Variants in SLC10A4 observed in about 807,000 individuals in gnomAD.
SLC10A4 encodes the protein solute carrier family 10 member 4.
In SLC10A4, 17 loss-of-function variants were observed where a neutral mutation model predicts 22.5. The ratio of observed to expected loss-of-function variants is 0.76; its 90% CI spans 0.52 to 1.14. The LOEUF (loss-of-function observed/expected upper bound fraction) is 1.14, where lower values mean the gene tolerates loss of function less well. Ranked by LOEUF, SLC10A4 falls within the 50% of genes most tolerant of loss-of-function variation. The probability of loss-of-function intolerance (pLI) is 0.00; values close to 1 mark genes in which losing one functional copy is unlikely to be tolerated. For synonymous variants in SLC10A4, 257 were observed against 258.2 expected (o/e 1.00, Z 0.04); for missense variants, 548 against 584.0 (o/e 0.94, Z 0.64).
In SLC10A4 at chr4:48,483,753, G is replaced by A. The variant is rs1340289358; in HGVS notation, c.192G>A (p.Pro64=). ...PSFGFSPGPT[P]TPEPTTSGLA... ...TCGGCTTCAGCCCCGGCCCCACTCC[G>A]ACCCCGGAGCCCACGACCAGCGGCC... The change falls in exon 1 of 3, where the codon CCG becomes CCA. Residue 64 remains proline (P), a synonymous_variant. Transcript: ENST00000273861. This position sits in a 1 kb window ranked among gnomAD's most constrained non-coding sequence, Gnocchi z 5.4. 3 of 1,473,074 alleles carry A rather than the reference G, an allele frequency of 2.0e-6. No homozygotes were observed. Among genetic ancestry groups the A allele is most frequent in the South Asian group, 1.3e-5 (1 of 75,616 alleles). The allele number at this position is 1,473,074 out of a possible 1,614,324, so 91.3% of individuals were successfully genotyped here.
At chr4:48,486,757 G>A (rs1459583926) in intron 2 of SLC10A4, among the ~76,000 whole-genome samples, 5 of 151,982 alleles carry the variant, frequency 3.3e-5, no homozygotes, top group Non-Finnish European at 5.9e-5. Context: ...GTTTGTCAGC[G>A]CTTTCAATGT....
intron 2 of SLC10A4, among the ~76,000 whole-genome samples, chr4:48,488,157 C>A (rs1454330670): frequency 6.6e-6 from 1 of 150,530 alleles, no homozygotes; most frequent in African/African-American, 2.5e-5. Context: ...GTCTCTGTCG[C>A]TCCTGAGAGC....
At position 48,488,879 on chromosome 4, in the gene SLC10A4, C is replaced by T. The variant is rs1351775848; in HGVS notation, c.1254C>T (p.Ser418=). 17 of 1,612,198 alleles carry T rather than the reference C, an allele frequency of 1.1e-5. No individual in the cohort carries two copies. The South Asian group carries it at 1.5e-4, about 15-fold the overall frequency. ...KLKEEEMADT[S]YGTVKAENII... ...AAGAAGAGGAAATGGCAGACACTTC[C>T]TATGGCACAGTGAAAGCAGAAAATA... Residue 418 remains serine, a synonymous_variant, in exon 3 of 3, where the codon TCC becomes TCT. Transcript: ENST00000273861.
chr4:48,486,935 C>T (rs1238744836), intron 2 of SLC10A4, among the ~76,000 whole-genome samples: 2 of 152,020 alleles, frequency 1.3e-5, no homozygotes, highest in Non-Finnish European at 2.9e-5. Context: ...TAGAGTTACG[C>T]CATTCCCGAA....
At position 48,489,101 on chromosome 4, in the gene SLC10A4, C is replaced by T; in HGVS notation, c.*162C>T. ...CACTGGTGTATTAACCAAACGTTGT[C>T]ACAAATTACAAATCAATGCTGTAAT... is the stretch of plus-strand genomic sequence containing the variant. On this transcript the variant is annotated 3_prime_UTR_variant, in exon 3 of 3. Transcript: ENST00000273861. The T allele has an allele frequency of 1.3e-6, 1 of 778,886 alleles. No homozygotes were observed. The highest frequency in any genetic ancestry group is 1.9e-6 in the Non-Finnish European group (1 of 513,540). The allele number at this position is 778,886 out of a possible 1,614,324, so 48.2% of individuals were successfully genotyped here.
rs1718226407 is a variant in SLC10A4 at position 48,483,813 on chromosome 4, G to C, written c.252G>C (p.Pro84=). The change falls in exon 1 of 3, where the codon CCG becomes CCC. Residue 84 remains proline, a synonymous_variant. Transcript: ENST00000273861. This position sits in a 1 kb window ranked among gnomAD's most constrained non-coding sequence, Gnocchi z 5.4. ...GCGCGGCGAGCCACGGCCCTTCCCC[G>C]TTCCCTCGGCCCTGGGCGCCCCACG... ...AGGAASHGPS[P]FPRPWAPHAL... 2.0e-6 allele frequency: 3 copies of C among 1,524,440 alleles called. No homozygotes were observed. The highest frequency in any genetic ancestry group is 2.0e-5 in the Admixed American group (1 of 49,980). The allele number at this position is 1,524,440 out of a possible 1,614,324, so 94.4% of individuals were successfully genotyped here.
chr4:48,485,227 A>C, intron 2 of SLC10A4, 85 bp downstream of exon 2: 1 of 1,410,534 alleles, frequency 7.1e-7, no homozygotes, highest in Non-Finnish European at 9.9e-7. Flanking sequence ...AGTTTGGAGA[A>C]GGCGGAAAGG....
chr4:48,484,836 C>A, intron 1 of SLC10A4, 96 bp from the exon 2 acceptor site: 1 of 1,182,980 alleles, frequency 8.5e-7, no homozygotes, highest in Non-Finnish European at 1.2e-6. Flanking sequence ...GACTTGCAGT[C>A]TCCCCGTTCC....
rs1235555172 is a variant in SLC10A4 at position 48,483,408 on chromosome 4, G to C, written c.-154G>C. ...GGCTGCAGACCTGGGAGCGGAGACCGGCCCGCCGCCCCCGACGCCGCCGAG... is the reference window on the plus strand; with the variant it reads ...GGCTGCAGACCTGGGAGCGGAGACCCGCCCGCCGCCCCCGACGCCGCCGAG... On this transcript the variant is annotated 5_prime_UTR_variant, in exon 1 of 3. Coordinates refer to ENST00000273861, the MANE Select transcript of SLC10A4 (RefSeq NM_152679.4). The surrounding 1 kb of genome is among the most constrained non-coding windows in gnomAD (Gnocchi z 5.4). 4.2e-6 allele frequency: 2 copies of C among 472,076 alleles called. No homozygotes were observed. The highest frequency in any genetic ancestry group is 2.1e-5 in the African/African-American group (1 of 48,408). The allele number at this position is 472,076 out of a possible 1,614,324, so 29.2% of individuals were successfully genotyped here. A position where few individuals can be genotyped will look rare whatever the true frequency, so the allele number is the denominator to read the frequency against.
chr4:48,488,380 C>T (rs771385066), intron 2 of SLC10A4, 47 bp from the exon 3 acceptor site: 14 of 1,508,000 alleles, frequency 9.3e-6, no homozygotes, highest in Admixed American at 2.0e-5. Context: ...AGGATTCTCT[C>T]GCCTGAGTTC....
chr4:48,488,647 T>C lies in SLC10A4; in HGVS notation c.1022T>C (p.Val341Ala), dbSNP rs1718329611. Residue 341 changes from valine (V) to alanine (A), a missense_variant, in exon 3 of 3, where the codon GTG becomes GCG. This residue lies in a region of SLC10A4 where 314 missense variants were observed against 353.2 expected (regional missense o/e 0.89). Coordinates refer to ENST00000273861, the MANE Select transcript of SLC10A4 (RefSeq NM_152679.4). ...TGTCTGGAAACAGGTAGTCAGAATG[T>C]GCAGCTCTGTACAGCCATTCTAAAA... The part of the protein sequence containing the change: ...TVCLETGSQN[V>A]QLCTAILKLA... The C allele has an allele frequency of 6.2e-7, 1 of 1,614,126 alleles. No homozygotes were observed. The highest frequency in any genetic ancestry group is 1.3e-5 in the African/African-American group (1 of 75,046).
rs1288936495 is a variant in SLC10A4, at chr4:48,483,776, G to T, written c.215G>T (p.Gly72Val). Residue 72 changes from glycine to valine, a missense_variant, in exon 1 of 3, where the codon GGC (glycine) becomes GTC (valine). Gly to Val is a moderately radical substitution (Grantham distance 109, BLOSUM62 -3). This residue lies in a region of SLC10A4 where 225 missense variants were observed against 206.9 expected (regional missense o/e 1.09). Coordinates refer to ENST00000273861, the MANE Select transcript of SLC10A4 (RefSeq NM_152679.4). The surrounding 1 kb of genome is among the most constrained non-coding windows in gnomAD (Gnocchi z 5.4). ...PTPTPEPTTS[G>V]LAGGAASHGP... ...CCGACCCCGGAGCCCACGACCAGCG[G>T]CCTCGCGGGCGGCGCGGCGAGCCAC... 2.7e-6 allele frequency: 4 copies of T among 1,492,828 alleles called. No homozygotes were observed. Among genetic ancestry groups the T allele is most frequent in the Non-Finnish European group, 3.5e-6 (4 of 1,127,418 alleles). 92.5% of individuals were successfully genotyped at this position (1,492,828 alleles called of 1,614,324 possible). A position where few individuals can be genotyped will look rare whatever the true frequency, so the allele number is the denominator to read the frequency against.
At position 48,483,526 on chromosome 4, in the gene SLC10A4, C is replaced by CG; in HGVS notation, c.-33dup. 6.8e-7 allele frequency: 1 copy of CG among 1,464,378 alleles called. No individual in the cohort carries two copies. The highest frequency in any genetic ancestry group is 9.0e-7 in the Non-Finnish European group (1 of 1,108,418). 90.7% of individuals were successfully genotyped at this position (1,464,378 alleles called of 1,614,324 possible). ...CCGCGGGACGGCGAGAGGCACGCGGCGGGAGGGGACCGGAATCCGCAGCTC... is the reference window on the plus strand; with the variant it reads ...CCGCGGGACGGCGAGAGGCACGCGGCGGGGAGGGGACCGGAATCCGCAGCTC... On this transcript the variant is annotated 5_prime_UTR_variant, in exon 1 of 3. Transcript: ENST00000273861. The surrounding 1 kb of genome is among the most constrained non-coding windows in gnomAD (Gnocchi z 5.4).
intron 2 of SLC10A4, among the ~76,000 whole-genome samples, chr4:48,487,119 C>G (rs996882583): frequency 6.6e-6 from 1 of 152,048 alleles, no homozygotes; most frequent in African/African-American, 2.4e-5. Flanking sequence ...ACAATTCATA[C>G]AGACTGTTTT....
chr4:48,488,121 GTTTGT>G (rs1718313398), intron 2 of SLC10A4, among the ~76,000 whole-genome samples: 1 of 150,756 alleles, frequency 6.6e-6, no homozygotes, highest in Non-Finnish European at 1.5e-5. Context: ...GGGTTTTTTT[GTTTGT>G]TTTTTGTTTT....
chr4:48,487,151 C>T (rs1028761303), intron 2 of SLC10A4, among the ~76,000 whole-genome samples: 1 of 152,092 alleles, frequency 6.6e-6, no homozygotes, highest in African/African-American at 2.4e-5. Context: ...TGAAATGTAC[C>T]AGTCAGAACA....
At position 48,483,427 on chromosome 4, in the gene SLC10A4, C is replaced by T. The variant is rs950618717; in HGVS notation, c.-135C>T. On this transcript the variant is annotated 5_prime_UTR_variant, in exon 1 of 3. Transcript: ENST00000273861. This position sits in a 1 kb window ranked among gnomAD's most constrained non-coding sequence, Gnocchi z 5.4. ...GAGACCGGCCCGCCGCCCCCGACGC[C>T]GCCGAGCACGTCAGCGGCGCGCAGC... is the stretch of plus-strand genomic sequence containing the variant. The T allele has an allele frequency of 1.6e-6, 1 of 610,464 alleles. No individual in the cohort carries two copies. Among genetic ancestry groups the T allele is most frequent in the African/African-American group, 2.0e-5 (1 of 51,058 alleles). 37.8% of individuals were successfully genotyped at this position (610,464 alleles called of 1,614,324 possible).
intron 2 of SLC10A4, among the ~76,000 whole-genome samples, chr4:48,486,751 G>T (rs1156615821): frequency 6.6e-6 from 1 of 152,040 alleles, no homozygotes; most frequent in Non-Finnish European, 1.5e-5. Context: ...CAGACTGTTT[G>T]TCAGCGCTTT....
In SLC10A4 at chr4:48,483,690, C is replaced by A; in HGVS notation, c.129C>A (p.Gly43=). 1 of 1,466,880 alleles carries A rather than the reference C, an allele frequency of 6.8e-7. No homozygotes were observed. Among genetic ancestry groups the A allele is most frequent in the Admixed American group, 2.5e-5 (1 of 40,472 alleles). The allele number at this position is 1,466,880 out of a possible 1,614,324, so 90.9% of individuals were successfully genotyped here. ...CCCTCGCCCCTGCCTCCAGCGCCGGCCCCGGCCCTGGGCTCAGCCTCGGGC... is the reference window on the plus strand; with the variant it reads ...CCCTCGCCCCTGCCTCCAGCGCCGGACCCGGCCCTGGGCTCAGCCTCGGGC... The part of the protein sequence containing the change: ...DLALAPASSA[G]PGPGLSLGPG... The change falls in exon 1 of 3, where the codon GGC becomes GGA. Residue 43 remains glycine (G), a synonymous_variant. Coordinates refer to ENST00000273861, the MANE Select transcript of SLC10A4 (RefSeq NM_152679.4). This position sits in a 1 kb window ranked among gnomAD's most constrained non-coding sequence, Gnocchi z 5.4.
Sources: allele counts gnomAD v4.1 joint callset (sites outside exome capture counted in the v4.1 genomes callset), GRCh38; gene constraint gnomAD v4.1.1; regional missense constraint gnomAD v4.1.1; non-coding constraint Gnocchi (gnomAD v3.1); transcripts MANE v1.5; gene names NCBI Gene and HGNC (gene_info 2026-07-23, HGNC 2026-07-21).